Variants in MCUB observed in about 807,000 individuals in gnomAD.
The protein encoded by MCUB is calcium uniporter regulatory subunit MCUb, mitochondrial.
A neutral mutation model predicts 41.4 loss-of-function variants in MCUB; 46 were observed. The observed-to-expected ratio is 1.11, with a 90% confidence interval of 0.88 to 1.42. The LOEUF (loss-of-function observed/expected upper bound fraction) is 1.42. Ranked by LOEUF, MCUB falls within the 40% of genes most tolerant of loss-of-function variation. The probability of loss-of-function intolerance (pLI) is 0.00; values close to 1 mark genes in which losing one functional copy is unlikely to be tolerated. For missense variants in MCUB, 403 were observed against 404.9 expected, an observed-to-expected ratio of 1.00 and a Z score of 0.04; for synonymous variants, 148 against 148.2, an observed-to-expected ratio of 1.00 and a Z score of 0.01.
chr4:109,653,678 G>C (rs1267079946), intron 1 of MCUB, among the ~76,000 whole-genome samples: 2 of 152,186 alleles, frequency 1.3e-5, no homozygotes, highest in Admixed American at 1.3e-4. Flanking sequence ...CCGGGTTCGA[G>C]TGAGTCTTCT....
chr4:109,607,078 T>C (rs973575768), intron 1 of MCUB, among the ~76,000 whole-genome samples: 3 of 152,192 alleles, frequency 2.0e-5, no homozygotes, highest in Admixed American at 2.0e-4. Flanking sequence ...GTTCATCTTT[T>C]AGTCTTTGTG....
chr4:109,605,572 ATCTT>A (rs1360701256), intron 1 of MCUB, among the ~76,000 whole-genome samples: 1 of 152,172 alleles, frequency 6.6e-6, no homozygotes, highest in African/African-American at 2.4e-5. Context: ...ATTAAATCTA[ATCTT>A]TCTTGATTGA....
chr4:109,578,493 CT>C (rs113130648), intron 1 of MCUB, among the ~76,000 whole-genome samples: 382 of 144,756 alleles, frequency 2.6e-3, no homozygotes, highest in African/African-American at 4.0e-3. Flanking sequence ...GAATCTCATA[CT>C]TTTTTTTTTT....
chr4:109,656,836 T>C (rs1729114836), intron 1 of MCUB, among the ~76,000 whole-genome samples: 1 of 152,232 alleles, frequency 6.6e-6, no homozygotes. Context: ...TTGGAGAACT[T>C]CTACCTATAT....
At chr4:109,633,434 AT>A (rs34946821) in intron 1 of MCUB, among the ~76,000 whole-genome samples, 63,303 of 151,234 alleles carry the variant, frequency 0.42, 13,469 homozygotes, top group South Asian at 0.48. Flanking sequence ...CGCCCAGCTA[AT>A]TTTTTTTGTA....
intron 1 of MCUB, among the ~76,000 whole-genome samples, chr4:109,646,426 C>T (rs1728838805): frequency 1.3e-5 from 2 of 152,144 alleles, no homozygotes; most frequent in Admixed American, 6.6e-5. Context: ...TGCTTCTCTC[C>T]ATTTTTATTG....
rs1727516066 is a variant in MCUB, at chr4:109,594,702, G to C, written c.99+34266G>C. Among the ~76,000 whole-genome samples, 7 of 151,254 alleles carry C rather than the reference G, an allele frequency of 4.6e-5. No homozygotes were observed. The South Asian group carries it at 1.5e-3, about 32-fold the overall frequency. ...GGCAGCCCCCTCAATAATCCCTGGAGAGAAAGCCTCAAGAAGACAGAGTAG... is the reference window on the plus strand; with the variant it reads ...GGCAGCCCCCTCAATAATCCCTGGACAGAAAGCCTCAAGAAGACAGAGTAG... On this transcript the variant is annotated intron_variant, in intron 1 of 7. Coordinates refer to ENST00000394650, the MANE Select transcript of MCUB (RefSeq NM_017918.5).
intron 1 of MCUB, among the ~76,000 whole-genome samples, chr4:109,602,566 T>C (rs532441064): frequency 1.1e-4 from 17 of 152,356 alleles, no homozygotes; most frequent in African/African-American, 4.1e-4. Context: ...CATTGGTCTA[T>C]GTGTCTTTTT....
chr4:109,653,153 G>A (rs1728998853), intron 1 of MCUB, among the ~76,000 whole-genome samples: 1 of 152,110 alleles, frequency 6.6e-6, no homozygotes, highest in South Asian at 2.1e-4. Context: ...GAGGCGGGCG[G>A]ATCGCGAGGT....
intron 1 of MCUB, among the ~76,000 whole-genome samples, chr4:109,603,577 C>T (rs539489555): frequency 8.6e-5 from 13 of 151,776 alleles, no homozygotes; most frequent in Admixed American, 1.3e-4. Context: ...AGGTGAGGAG[C>T]GTCTCTACCT....
rs1023773790 is a variant in MCUB, at chr4:109,590,923, A to G, written c.99+30487A>G. Among the ~76,000 whole-genome samples the G allele has an allele frequency of 5.3e-5, 8 of 152,304 alleles. No homozygotes were observed. In the East Asian group the frequency reaches 1.5e-3, roughly 29 times the overall value. The stretch of plus-strand genomic sequence containing the variant: ...AGGTAATCATGTCTTGTCAGAAGTT[A>G]AAAATTGTTGGTATGCATGCACCCA... On this transcript the variant is annotated intron_variant, in intron 1 of 7. Transcript: ENST00000394650.
At chr4:109,624,626 T>A (rs1383294605) in intron 1 of MCUB, among the ~76,000 whole-genome samples, 2 of 152,026 alleles carry the variant, frequency 1.3e-5, no homozygotes, top group African/African-American at 2.4e-5. Context: ...ATAATCAAAC[T>A]GGAGGAAGAA....
At chr4:109,611,800 A>G (rs576247014) in intron 1 of MCUB, among the ~76,000 whole-genome samples, 10 of 152,354 alleles carry the variant, frequency 6.6e-5, no homozygotes, top group African/African-American at 2.4e-4. Context: ...ATGCCTGTGA[A>G]AATGAAGCAG....
rs548380051 is a variant in MCUB at position 109,624,815 on chromosome 4, T to C, written c.100-34196T>C. On this transcript the variant is annotated intron_variant, in intron 1 of 7. Transcript: ENST00000394650. ...TGCTCTTGCTTGCTACAGAGAAATA[T>C]ATAATGAAAAGGAGAACAAACTGTA... 2.0e-5 allele frequency among the ~76,000 whole-genome samples: 3 copies of C among 152,242 alleles called. No individual in the cohort carries two copies. The East Asian group carries it at 5.8e-4, about 29-fold the overall frequency.
intron 4 of MCUB, chr4:109,673,811 T>C (rs1254030831): frequency 1.1e-5 from 7 of 660,654 alleles, no homozygotes; most frequent in African/African-American, 1.8e-5. Context: ...GAGAGGTTTT[T>C]TCGCTCTAGG....
chr4:109,626,821 C>CAA (rs58560479), intron 1 of MCUB, among the ~76,000 whole-genome samples: 198 of 81,206 alleles, frequency 2.4e-3, no homozygotes, highest in Middle Eastern at 6.0e-3. Flanking sequence ...GAGTCCGACT[C>CAA]AAAAAAAAAA....
chr4:109,645,364 A>G (rs1728811141), intron 1 of MCUB, among the ~76,000 whole-genome samples: 1 of 145,704 alleles, frequency 6.9e-6, no homozygotes, highest in African/African-American at 2.8e-5. Flanking sequence ...TCAGATTCTT[A>G]TTTCCCCTAG....
chr4:109,578,163 A>G (rs1220644816), intron 1 of MCUB, among the ~76,000 whole-genome samples: 1 of 152,118 alleles, frequency 6.6e-6, no homozygotes, highest in Admixed American at 6.5e-5. Context: ...GTTGCTTAAA[A>G]CCAATCTCTC....
rs1330624039 is a variant in MCUB, at chr4:109,688,451, G to A, written c.*859G>A. ...AATTATGTTTTCTATTTCATCCTCA[G>A]AATGCCATACAACAATTCTGGAATG... On this transcript the variant is annotated 3_prime_UTR_variant, in exon 8 of 8. Transcript: ENST00000394650. 1 of 152,142 alleles carries A rather than the reference G, an allele frequency of 6.6e-6. No homozygotes were observed. Among genetic ancestry groups the A allele is most frequent in the East Asian group, 1.9e-4 (1 of 5,194 alleles). 9.4% of individuals were successfully genotyped at this position (152,142 alleles called of 1,614,324 possible).
Sources: allele counts gnomAD v4.1 joint callset (sites outside exome capture counted in the v4.1 genomes callset), GRCh38; gene constraint gnomAD v4.1.1; transcripts MANE v1.5; gene names NCBI Gene and HGNC (gene_info 2026-07-23, HGNC 2026-07-21).